IGF2R: variants seen among roughly 807,000 people sequenced by gnomAD.
IGF2R encodes the protein cation-independent mannose-6-phosphate receptor.
Under a neutral mutation model 270.6 loss-of-function variants are expected in IGF2R, and 91 were observed. The observed-to-expected ratio is 0.34, with a 90% CI of 0.28 to 0.40. The LOEUF is 0.40. IGF2R is among the 10% of genes least tolerant of loss of function. The pLI is 1.00. For synonymous variants in IGF2R, 1,316 were observed against 1,258.9 expected (o/e 1.05, Z -0.96); for missense variants, 2,805 against 3,188.3 (o/e 0.88, Z 2.90).
intron 39 of IGF2R, among the ~76,000 whole-genome samples, chr6:160,082,313 T>A (rs1004778005): frequency 3.0e-5 from 4 of 132,882 alleles, no homozygotes; most frequent in South Asian, 2.6e-4. Context: ...TTATCTTAAA[T>A]TTTTTTTTTT....
At chr6:160,011,331 A>T (rs1452209322) in intron 4 of IGF2R, among the ~76,000 whole-genome samples, 1 of 152,116 alleles carries the variant, frequency 6.6e-6, no homozygotes, top group African/African-American at 2.4e-5. Context: ...CACCTCAGAG[A>T]CTAGATTACT....
chr6:160,086,549 A>G (rs534662444), intron 41 of IGF2R, among the ~76,000 whole-genome samples: 92 of 152,264 alleles, frequency 6.0e-4, no homozygotes, highest in Non-Finnish European at 7.2e-4. Flanking sequence ...CCCTGAGCCG[A>G]GGAGGTTGAG....
chr6:160,097,690 C>T (rs1252468581), intron 45 of IGF2R, among the ~76,000 whole-genome samples: 2 of 152,160 alleles, frequency 1.3e-5, no homozygotes, highest in African/African-American at 4.8e-5. Flanking sequence ...ATTGGGGGAA[C>T]ATGAATTCTT....
At position 160,073,942 on chromosome 6, in the gene IGF2R, T is replaced by G; in HGVS notation, c.5133T>G (p.Ala1711=). The change falls in exon 35 of 48, where the codon GCT becomes GCG. Residue 1711 remains alanine (A), a synonymous_variant. Coordinates refer to ENST00000356956, the MANE Select transcript of IGF2R (RefSeq NM_000876.4). ...MHGVPCPAGA[A]VCKVPIDGPP... Reference sequence around the variant, plus strand: ...GAGTGCCCTGTCCTGCCGGAGCCGCTGTGTGCAAAGTTCCTATTGATGGTC... The same window carrying G: ...GAGTGCCCTGTCCTGCCGGAGCCGCGGTGTGCAAAGTTCCTATTGATGGTC... 6.2e-7 allele frequency: 1 copy of G among 1,613,820 alleles called. No homozygotes were observed. The highest frequency in any genetic ancestry group is 8.5e-7 in the Non-Finnish European group (1 of 1,179,786).
At chr6:160,012,921 C>G (rs1784361083) in intron 4 of IGF2R, among the ~76,000 whole-genome samples, 1 of 151,846 alleles carries the variant, frequency 6.6e-6, no homozygotes, top group Non-Finnish European at 1.5e-5. Flanking sequence ...GCCCCTGCGC[C>G]TGGCCCCACA....
intron 41 of IGF2R, among the ~76,000 whole-genome samples, chr6:160,087,474 A>G (rs144220570): frequency 6.6e-6 from 1 of 152,298 alleles, no homozygotes; most frequent in African/African-American, 2.4e-5. Flanking sequence ...ACCCAGGGCC[A>G]CAAAGTACGG....
Position 160,085,891 on chromosome 6 carries a change from C to T in IGF2R, c.6205+760C>T, listed in dbSNP as rs79535984. On this transcript the variant is annotated intron_variant, in intron 41 of 47. Transcript: ENST00000356956. Reference sequence around the variant, plus strand: ...GCCATACAGGAAGTGGCGCCCAGACCGCCAGCCTGAGACCCGCCCTCCCTG... The same window carrying T: ...GCCATACAGGAAGTGGCGCCCAGACTGCCAGCCTGAGACCCGCCCTCCCTG... 6.3e-3 allele frequency among the ~76,000 whole-genome samples: 953 copies of T among 152,328 alleles called. 9 individuals carry two copies. Among genetic ancestry groups the T allele is most frequent in the African/African-American group, 0.022 (899 of 41,568 alleles).
chr6:160,065,782 ATGTGTGTG>A lies in IGF2R; in HGVS notation c.4115+907_4115+914del, dbSNP rs57759831. On this transcript the variant is annotated intron_variant, in intron 29 of 47. Transcript: ENST00000356956. The stretch of plus-strand genomic sequence containing the variant: ...AAGCATTTTTCCTAGAGATATGTGT[ATGTGTGTG>A]TGTGTGTGTGTGTGTGTGTGTGTGT... Among the ~76,000 whole-genome samples the A allele has an allele frequency of 4.3e-3, 398 of 93,144 alleles. 3 individuals are homozygous for A. Among genetic ancestry groups the A allele is most frequent in the African/African-American group, 0.017 (379 of 22,964 alleles). The allele number at this position is 93,144 out of a possible 152,430, so 61.1% of individuals were successfully genotyped here. A position where few individuals can be genotyped will look rare whatever the true frequency, so the allele number is the denominator to read the frequency against.
At chr6:160,071,780 C>G (rs1012626706) in intron 31 of IGF2R, 130 bp from the exon 32 acceptor site, 10 of 1,237,350 alleles carry the variant, frequency 8.1e-6, no homozygotes, top group Non-Finnish European at 1.2e-5. Context: ...CCTCATCCCA[C>G]AGGCACATGG....
chr6:159,990,715 C>T (rs9457800), intron 1 of IGF2R, among the ~76,000 whole-genome samples: 16,440 of 152,140 alleles, frequency 0.11, 990 homozygotes, highest in Non-Finnish European at 0.14. Flanking sequence ...CTGCAACCTC[C>T]GTCTCCCAGG....
chr6:160,017,059 A>G (rs144555761), intron 4 of IGF2R, among the ~76,000 whole-genome samples: 2 of 152,372 alleles, frequency 1.3e-5, no homozygotes, highest in Admixed American at 6.5e-5. Flanking sequence ...AATTCAAAAT[A>G]TTAATTTTAA....
At chr6:159,979,510 C>A (rs1212101420) in intron 1 of IGF2R, among the ~76,000 whole-genome samples, 1 of 152,206 alleles carries the variant, frequency 6.6e-6, no homozygotes, top group African/African-American at 2.4e-5. Context: ...GAGTGACAGG[C>A]AGCGTGAGCT....
In IGF2R at chr6:160,047,778, C is replaced by G. The variant is rs1036846807; in HGVS notation, c.2230-14C>G. The G allele has an allele frequency of 2.0e-6, 3 of 1,538,112 alleles. No homozygotes were observed. The highest frequency in any genetic ancestry group is 2.7e-6 in the Non-Finnish European group (3 of 1,110,582). On this transcript the variant is annotated splice_polypyrimidine_tract_variant and intron_variant, in intron 16 of 47. Transcript: ENST00000356956. ...CTCTTTTTGCCATCCCTCCGCGCAT[C>G]TGCCGTGGATTAGGAAGAGGATAAC...
Position 160,078,149 on chromosome 6 carries a change from A to G in IGF2R, c.5317-52A>G, listed in dbSNP as rs565066324. The G allele has an allele frequency of 1.8e-5, 29 of 1,588,928 alleles. No homozygotes were observed. In the African/African-American group the frequency reaches 3.4e-4, roughly 18 times the overall value. Reference sequence around the variant, plus strand: ...TGTAGGGACGTGGTGTGTCACTGCTATCTATCCCTATGCCATGGGGTTTTT... The same window carrying G: ...TGTAGGGACGTGGTGTGTCACTGCTGTCTATCCCTATGCCATGGGGTTTTT... On this transcript the variant is annotated intron_variant, in intron 36 of 47. Transcript: ENST00000356956.
At chr6:160,022,013 A>AAAACACACACACACACACACACAC (rs572732368) in intron 4 of IGF2R, among the ~76,000 whole-genome samples, 1 of 142,756 alleles carries the variant, frequency 7.0e-6, no homozygotes, top group African/African-American at 2.6e-5. Flanking sequence ...CTAGGTAAAG[A>AAAACACACACACACACACACACAC]ACACACACAC....
intron 25 of IGF2R, 59 bp downstream of exon 25, chr6:160,061,987 C>T: frequency 3.4e-6 from 5 of 1,489,142 alleles, no homozygotes. Context: ...TCCCATTTCC[C>T]TTGAACCTCT....
At chr6:160,036,779 A>G (rs2115237612) in intron 10 of IGF2R, among the ~76,000 whole-genome samples, 1 of 152,236 alleles carries the variant, frequency 6.6e-6, no homozygotes, top group South Asian at 2.1e-4. Flanking sequence ...TAGAAAAAAA[A>G]AAGAAGACCC....
intron 4 of IGF2R, among the ~76,000 whole-genome samples, chr6:160,014,274 C>T: frequency 6.6e-6 from 1 of 152,230 alleles, no homozygotes; most frequent in Non-Finnish European, 1.5e-5. Context: ...TATAAAACAG[C>T]ATTAACTCAA....
chr6:160,015,687 C>T (rs1326542876), intron 4 of IGF2R, among the ~76,000 whole-genome samples: 1 of 152,160 alleles, frequency 6.6e-6, no homozygotes, highest in Non-Finnish European at 1.5e-5. Flanking sequence ...TGAGCACAGA[C>T]CCTGATATAG....
Sources: allele counts gnomAD v4.1 joint callset (sites outside exome capture counted in the v4.1 genomes callset), GRCh38; gene constraint gnomAD v4.1.1; transcripts MANE v1.5; gene names NCBI Gene and HGNC (gene_info 2026-07-23, HGNC 2026-07-21).